Variants in SCN9A observed in about 807,000 individuals in gnomAD.
SCN9A encodes the protein sodium voltage-gated channel alpha subunit 9.
Under a neutral mutation model 187.0 loss-of-function variants are expected in SCN9A, and 131 were observed. The observed-to-expected ratio is 0.70, with a 90% CI of 0.61 to 0.81. SCN9A has a LOEUF of 0.81. Among genes scored for constraint, SCN9A ranks in the 30% least tolerant of loss-of-function variants. The pLI is 0.00. For missense variants in SCN9A, 2,252 were observed against 2,396.6 expected, an observed-to-expected ratio of 0.94 and a Z score of 1.26; for synonymous variants, 809 against 808.6, an observed-to-expected ratio of 1.00 and a Z score of -0.01.
At position 166,198,947 on chromosome 2, in the gene SCN9A, G is replaced by A. The variant is rs577823520; in HGVS notation, c.5692C>T (p.Arg1898Cys). ...CTTAAGCGGTAACGTCTATAAGCAC[G>A]CTGAATGACAGTAGCAGACACATCC... ...QEDVSATVIQ[R>C]AYRRYRLRQN... is the part of the protein sequence containing the mutation. Residue 1898 changes from arginine (R) to cysteine (C), a missense_variant, in exon 27 of 27, where the codon CGT (arginine) becomes TGT (cysteine). By Grantham distance (180) the Arg-to-Cys change is radical. Around this residue, in one of 7 missense-constraint regions of SCN9A, gnomAD observed 345 missense variants for 344.6 expected, o/e 1.00. Transcript: ENST00000642356. The A allele has an allele frequency of 7.4e-6, 12 of 1,613,864 alleles. No homozygotes were observed. Among genetic ancestry groups the A allele is most frequent in the East Asian group, 6.7e-5 (3 of 44,880 alleles).
At chr2:166,237,944 G>T (rs1052336786) in intron 20 of SCN9A, 150 bp downstream of exon 20, 1 of 537,918 alleles carries the variant, frequency 1.9e-6, no homozygotes, top group East Asian at 3.1e-5. Context: ...CACTGGCTGT[G>T]TTAATATTTC....
intron 24 of SCN9A, among the ~76,000 whole-genome samples, chr2:166,212,829 GGAAAACT>G (rs1694157036): frequency 6.6e-6 from 1 of 151,774 alleles, no homozygotes; most frequent in South Asian, 2.1e-4. Context: ...AGTAATAGAA[GGAAAACT>G]GAAAAATTCA....
chr2:166,269,705 A>G (rs943932749), intron 17 of SCN9A, among the ~76,000 whole-genome samples: 2 of 152,088 alleles, frequency 1.3e-5, no homozygotes, highest in African/African-American at 4.8e-5. Context: ...ACTAAGAATA[A>G]GAATTTTGTC....
At chr2:166,289,390 G>A (rs945445075) in intron 9 of SCN9A, among the ~76,000 whole-genome samples, 3 of 151,672 alleles carry the variant, frequency 2.0e-5, no homozygotes, top group Non-Finnish European at 4.4e-5. Flanking sequence ...TTGCCCATGT[G>A]TTCTCATTGC....
intron 16 of SCN9A, among the ~76,000 whole-genome samples, chr2:166,273,159 A>G (rs1261606549): frequency 2.0e-5 from 3 of 152,202 alleles, no homozygotes; most frequent in African/African-American, 7.2e-5. Context: ...CCTCACCATT[A>G]TCATTACATC....
At chr2:166,226,835 T>G in intron 23 of SCN9A, 131 bp from the exon 24 acceptor site, 1 of 540,174 alleles carries the variant, frequency 1.9e-6, no homozygotes, top group Non-Finnish European at 3.0e-6. Context: ...CATAGCATTG[T>G]TGAGGTTTAA....
At chr2:166,251,585 T>C (rs1696039338) in intron 18 of SCN9A, among the ~76,000 whole-genome samples, 180 bp downstream of exon 18, 2 of 152,056 alleles carry the variant, frequency 1.3e-5, no homozygotes, top group African/African-American at 2.4e-5. Flanking sequence ...GCCATAGATG[T>C]GGAAACTCAA....
At chr2:166,294,933 G>A (rs1323333259) in intron 7 of SCN9A, among the ~76,000 whole-genome samples, 2 of 152,202 alleles carry the variant, frequency 1.3e-5, no homozygotes, top group South Asian at 4.2e-4. Context: ...TGAGGGTGGA[G>A]GTTGTGGTTG....
At chr2:166,271,647 T>G (rs977655434) in intron 17 of SCN9A, among the ~76,000 whole-genome samples, 1 of 151,966 alleles carries the variant, frequency 6.6e-6, no homozygotes, top group East Asian at 1.9e-4. Context: ...CTGAGTCCAG[T>G]AGTTTGAGAC....
At chr2:166,369,438 T>C (rs1420645791) in intron 1 of SCN9A, among the ~76,000 whole-genome samples, 1 of 152,206 alleles carries the variant, frequency 6.6e-6, no homozygotes, top group East Asian at 1.9e-4. Context: ...AAGTGTTCAT[T>C]CCTAAAAGTC....
chr2:166,312,835 C>A (rs1699002024), intron 1 of SCN9A, among the ~76,000 whole-genome samples: 1 of 149,040 alleles, frequency 6.7e-6, no homozygotes, highest in Admixed American at 6.7e-5. Context: ...TTTTCCTGAG[C>A]TATAAGTATC....
chr2:166,372,038 C>T (rs1213276262), intron 1 of SCN9A, among the ~76,000 whole-genome samples: 1 of 151,868 alleles, frequency 6.6e-6, no homozygotes, highest in African/African-American at 2.4e-5. Context: ...TATCTTTAAG[C>T]ATAGTCTGCA....
rs1434787082 is a variant in SCN9A at position 166,280,430 on chromosome 2, T to A, written c.2270A>T (p.Asn757Ile). The change falls in exon 14 of 27, where the codon AAC becomes ATC. Residue 757 changes from asparagine (N) to isoleucine (I), a missense_variant. Asn to Ile is a moderately radical substitution (Grantham distance 149). Coordinates refer to ENST00000642356, the MANE Select transcript of SCN9A (RefSeq NM_001365536.1). ...GTGTTCCATAGCCATAAATAATGTG[T>A]TTAAAACTATGCAAATGGTAATTGC... is the stretch of plus-strand genomic sequence containing the variant. ...DLAITICIVL[N>I]TLFMAMEHHP... 6.3e-7 allele frequency: 1 copy of A among 1,592,204 alleles called. No individual in the cohort carries two copies. The highest frequency in any genetic ancestry group is 8.6e-7 in the Non-Finnish European group (1 of 1,167,856).
intron 8 of SCN9A, among the ~76,000 whole-genome samples, chr2:166,294,189 A>G (rs944851090): frequency 1.3e-5 from 2 of 152,206 alleles, no homozygotes; most frequent in African/African-American, 2.4e-5. Context: ...AGAGTGGCCA[A>G]AACATGACAT....
At chr2:166,239,361 A>G (rs1178008572) in intron 19 of SCN9A, among the ~76,000 whole-genome samples, 1 of 152,162 alleles carries the variant, frequency 6.6e-6, no homozygotes, top group Non-Finnish European at 1.5e-5. Flanking sequence ...AAAGACCTGT[A>G]TCCTTCGTGG....
At chr2:166,354,688 C>T (rs1249304673) in intron 1 of SCN9A, among the ~76,000 whole-genome samples, 1 of 152,076 alleles carries the variant, frequency 6.6e-6, no homozygotes, top group African/African-American at 2.4e-5. Context: ...TTGATTAACC[C>T]TAACTTAATT....
chr2:166,345,084 A>G (rs1292662147), intron 1 of SCN9A, among the ~76,000 whole-genome samples: 1 of 152,138 alleles, frequency 6.6e-6, no homozygotes, highest in Non-Finnish European at 1.5e-5. Context: ...TGTGTATAAG[A>G]TGGGTATCTA....
At chr2:166,262,318 G>A (rs1411874578) in intron 17 of SCN9A, among the ~76,000 whole-genome samples, 2 of 151,806 alleles carry the variant, frequency 1.3e-5, no homozygotes, top group East Asian at 3.9e-4. Context: ...GAAAGGAAAG[G>A]GTTATGTAGT....
At chr2:166,270,947 A>G (rs1379920320) in intron 17 of SCN9A, among the ~76,000 whole-genome samples, 1 of 152,094 alleles carries the variant, frequency 6.6e-6, no homozygotes, top group Non-Finnish European at 1.5e-5. Flanking sequence ...ATGATGCCTT[A>G]AGACTTGAAA....
Sources: gnomAD v4.1 joint callset for allele counts (sites outside exome capture counted in the v4.1 genomes callset) on GRCh38, gnomAD v4.1.1 for gene constraint, gnomAD v4.1.1 regional missense constraint, MANE v1.5 for transcripts, NCBI Gene and HGNC (gene_info 2026-07-23, HGNC 2026-07-21) for gene names.